The following ATRN variants were observed in gnomAD, a reference collection of about 807,000 sequenced individuals.
The protein encoded by ATRN is attractin-2.
A neutral mutation model predicts 178.7 loss-of-function variants in ATRN; 54 were observed. That is an observed-to-expected ratio of 0.30 (90% CI 0.24 to 0.38). The LOEUF (loss-of-function observed/expected upper bound fraction) is 0.38, where lower values mean the gene tolerates loss of function less well. ATRN is among the 10% of genes least tolerant of loss of function. ATRN has a pLI of 1.00. For missense variants in ATRN, 1,443 were observed against 1,815.1 expected, an observed-to-expected ratio of 0.79 and a Z score of 3.73; for synonymous variants, 636 against 663.0, an observed-to-expected ratio of 0.96 and a Z score of 0.63.
intron 15 of ATRN, 86 bp downstream of exon 15, chr20:3,578,858 G>T: frequency 7.7e-7 from 1 of 1,299,254 alleles, no homozygotes; most frequent in South Asian, 1.5e-5. Context: ...GGAAGGCTGT[G>T]GATATGTGTG....
At chr20:3,620,389 G>A (rs558847436) in intron 24 of ATRN, among the ~76,000 whole-genome samples, 6 of 152,274 alleles carry the variant, frequency 3.9e-5, no homozygotes, top group Admixed American at 3.3e-4. Flanking sequence ...TGGGATCACA[G>A]GTGCACACCA....
At chr20:3,567,702 G>C (rs140428772) in intron 11 of ATRN, among the ~76,000 whole-genome samples, 52 of 152,318 alleles carry the variant, frequency 3.4e-4, no homozygotes, top group African/African-American at 1.2e-3. Context: ...TGGGTGAGCT[G>C]TGCCTTCCTT....
intron 1 of ATRN, among the ~76,000 whole-genome samples, chr20:3,488,699 T>C (rs2084733564): frequency 6.6e-6 from 1 of 152,222 alleles, no homozygotes; most frequent in South Asian, 2.1e-4. Context: ...TCTTGGTCCA[T>C]GGCATTTCCA....
intron 1 of ATRN, among the ~76,000 whole-genome samples, chr20:3,495,394 C>T (rs1324127257): frequency 6.6e-6 from 1 of 152,166 alleles, no homozygotes; most frequent in Non-Finnish European, 1.5e-5. Flanking sequence ...GTTAGGGCCA[C>T]ATCATCTGTA....
chr20:3,471,677 G>A (rs1380795012), intron 1 of ATRN, among the ~76,000 whole-genome samples, 160 bp downstream of exon 1: 1 of 152,222 alleles, frequency 6.6e-6, no homozygotes, highest in African/African-American at 2.4e-5. Flanking sequence ...GGAGATCATC[G>A]TCTCTGGCCT....
intron 1 of ATRN, among the ~76,000 whole-genome samples, chr20:3,482,021 C>G (rs992598972): frequency 9.2e-5 from 14 of 151,420 alleles, no homozygotes; most frequent in Admixed American, 2.0e-4. Context: ...TTCACAGATC[C>G]TTTCACAAAA....
chr20:3,603,810 G>C (rs917273069), intron 23 of ATRN, among the ~76,000 whole-genome samples: 3 of 152,080 alleles, frequency 2.0e-5, no homozygotes, highest in Admixed American at 2.0e-4. Context: ...TTGGTTAGGG[G>C]CATAGGCTTG....
At chr20:3,556,840 C>G (rs973819434) in intron 6 of ATRN, among the ~76,000 whole-genome samples, 10 of 152,038 alleles carry the variant, frequency 6.6e-5, no homozygotes, top group Non-Finnish European at 1.5e-4. Flanking sequence ...GTTTAAGTGT[C>G]TTCTGATGGT....
intron 1 of ATRN, among the ~76,000 whole-genome samples, chr20:3,472,963 G>C (rs2084453492): frequency 6.6e-6 from 1 of 152,208 alleles, no homozygotes; most frequent in Admixed American, 6.5e-5. Context: ...GGTCTTCTGA[G>C]GAACTCAGAG....
intron 21 of ATRN, 47 bp from the exon 22 acceptor site, chr20:3,597,859 T>G: frequency 8.2e-7 from 1 of 1,214,702 alleles, no homozygotes; most frequent in Non-Finnish European, 1.2e-6. Flanking sequence ...ACCTGTTCTA[T>G]TTTGTGTGTG....
In ATRN at chr20:3,594,466, T is replaced by G. The variant is rs753282780; in HGVS notation, c.3323-13T>G. The G allele has an allele frequency of 1.9e-6, 3 of 1,588,414 alleles. No individual in the cohort carries two copies. Among genetic ancestry groups the G allele is most frequent in the Non-Finnish European group, 2.6e-6 (3 of 1,162,670 alleles). On this transcript the variant is annotated splice_polypyrimidine_tract_variant and intron_variant, in intron 19 of 28. Coordinates refer to ENST00000262919, the MANE Select transcript of ATRN (RefSeq NM_139321.3). ...AGCCAGTTGTGACCTCTGTTCCTTT[T>G]TCTTCTCTGCAGCATGCAAGTGCAA...
At chr20:3,566,594 A>G (rs1222638235) in intron 11 of ATRN, among the ~76,000 whole-genome samples, 1 of 152,136 alleles carries the variant, frequency 6.6e-6, no homozygotes, top group Non-Finnish European at 1.5e-5. Context: ...CAGATGAGGT[A>G]ATTTCACTTA....
At chr20:3,604,317 A>C in intron 24 of ATRN, 55 bp downstream of exon 24, 1 of 1,513,808 alleles carries the variant, frequency 6.6e-7, no homozygotes, top group Admixed American at 2.2e-5. Context: ...CTCTTTAGTA[A>C]GACTAAATTT....
chr20:3,477,778 T>C (rs1477802486), intron 1 of ATRN, among the ~76,000 whole-genome samples: 1 of 152,254 alleles, frequency 6.6e-6, no homozygotes, highest in African/African-American at 2.4e-5. Flanking sequence ...AATAAAATTC[T>C]GTAATTTACT....
intron 1 of ATRN, chr20:3,489,692 A>G: frequency 6.3e-7 from 1 of 1,576,326 alleles, no homozygotes; most frequent in African/African-American, 1.3e-5. Flanking sequence ...TCTGCGTCAC[A>G]TTAGCAAAGT....
At chr20:3,568,289 C>CA (rs753556911) in intron 11 of ATRN, among the ~76,000 whole-genome samples, 2,934 of 118,322 alleles carry the variant, frequency 0.025, 37 homozygotes, top group African/African-American at 0.035. Flanking sequence ...GAGACTGTGT[C>CA]AAAAAAAAAA....
Position 3,488,351 on chromosome 20 carries a change from C to T in ATRN, c.410+16834C>T, listed in dbSNP as rs6115920. ...TTTCACACTTAAATCTACAGTCCACCTAGAGAAAGAGTGTGTGTGTGTGGT... is the reference window on the plus strand; with the variant it reads ...TTTCACACTTAAATCTACAGTCCACTTAGAGAAAGAGTGTGTGTGTGTGGT... On this transcript the variant is annotated intron_variant, in intron 1 of 28. Coordinates refer to ENST00000262919, the MANE Select transcript of ATRN (RefSeq NM_139321.3). Among the ~76,000 whole-genome samples, 3 of 152,056 alleles carry T rather than the reference C, an allele frequency of 2.0e-5. No individual in the cohort carries two copies. In the East Asian group the frequency reaches 5.8e-4, roughly 29 times the overall value.
At position 3,645,406 on chromosome 20, in the gene ATRN, T is replaced by TG. The variant is rs1274399776; in HGVS notation, c.4165+1139dup. 6.6e-6 allele frequency among the ~76,000 whole-genome samples: 1 copy of TG among 152,256 alleles called. No homozygotes were observed. Among genetic ancestry groups the TG allele is most frequent in the African/African-American group, 2.4e-5 (1 of 41,474 alleles). On this transcript the variant is annotated intron_variant, in intron 28 of 28. Coordinates refer to ENST00000262919, the MANE Select transcript of ATRN (RefSeq NM_139321.3). This position sits in a 1 kb window ranked among gnomAD's most constrained non-coding sequence, Gnocchi z 4.7. Reference sequence around the variant, plus strand: ...GTGAGTTGAGCCCCTAACTCGGCCTTGCCTGTGTTGAGGACAGGACAACTC... The same window carrying TG: ...GTGAGTTGAGCCCCTAACTCGGCCTTGGCCTGTGTTGAGGACAGGACAACTC...
chr20:3,511,105 A>G (rs2085120831), intron 1 of ATRN, among the ~76,000 whole-genome samples: 1 of 152,216 alleles, frequency 6.6e-6, no homozygotes, highest in African/African-American at 2.4e-5. Flanking sequence ...GATACAGCTA[A>G]TGGCATTCTG....
Sources: gnomAD v4.1 joint callset for allele counts (sites outside exome capture counted in the v4.1 genomes callset) on GRCh38, gnomAD v4.1.1 for gene constraint, Gnocchi (gnomAD v3.1) non-coding constraint, MANE v1.5 for transcripts, NCBI Gene and HGNC (gene_info 2026-07-23, HGNC 2026-07-21) for gene names.